ECPAS: variants seen among roughly 807,000 people sequenced by gnomAD.
The protein encoded by ECPAS is Ecm29 proteasome adaptor and scaffold.
In ECPAS, 70 loss-of-function variants were observed where a neutral mutation model predicts 255.1. That is an observed-to-expected ratio of 0.27 (90% confidence interval 0.23 to 0.33). ECPAS has a LOEUF of 0.33. Ranked by LOEUF, ECPAS falls within the 10% of genes least tolerant of loss-of-function variation. ECPAS has a pLI of 1.00. For synonymous variants in ECPAS, 784 were observed against 775.0 expected, an observed-to-expected ratio of 1.01 and a Z score of -0.19; for missense variants, 1,817 against 2,206.4, an observed-to-expected ratio of 0.82 and a Z score of 3.54.
intron 6 of ECPAS, 45 bp downstream of exon 6, chr9:111,440,327 A>G: frequency 6.5e-7 from 1 of 1,535,432 alleles, no homozygotes; most frequent in South Asian, 1.2e-5. Flanking sequence ...AACTCCCCGT[A>G]GTAAAAGCAG....
At chr9:111,470,361 A>AGT (rs1353366832) in intron 2 of ECPAS, among the ~76,000 whole-genome samples, 1 of 150,536 alleles carries the variant, frequency 6.6e-6, no homozygotes, top group Non-Finnish European at 1.5e-5. Flanking sequence ...CCCAGGCTGC[A>AGT]GTGCAGTGGC....
In ECPAS at chr9:111,467,250, G is replaced by A. The variant is rs529689474; in HGVS notation, c.22+5647C>T. ...AGAAAAAAGAAGAGATGAGAAAAGA[G>A]AAGAGAAGAGAGAAGAGAAGAGAAA... On this transcript the variant is annotated intron_variant, in intron 2 of 49. Transcript: ENST00000684092. Among the ~76,000 whole-genome samples the A allele has an allele frequency of 4.6e-5, 7 of 152,190 alleles. No homozygotes were observed. The South Asian group carries it at 1.4e-3, about 31-fold the overall frequency.
At chr9:111,432,261 T>C (rs888460316) in intron 8 of ECPAS, among the ~76,000 whole-genome samples, 1 of 152,232 alleles carries the variant, frequency 6.6e-6, no homozygotes, top group African/African-American at 2.4e-5. Flanking sequence ...TCATTACTTA[T>C]TGCAAACTGC....
chr9:111,442,249 T>C, intron 5 of ECPAS, 57 bp downstream of exon 5: 1 of 1,112,380 alleles, frequency 9.0e-7, no homozygotes. Flanking sequence ...AATTAATATT[T>C]GAAAGGCAGT....
chr9:111,371,554 G>T, intron 43 of ECPAS, 67 bp downstream of exon 43: 1 of 1,371,852 alleles, frequency 7.3e-7, no homozygotes, highest in Non-Finnish European at 1.0e-6. Flanking sequence ...AAACCAGATC[G>T]TTACTATTAT....
At chr9:111,427,423 A>G (rs2098223404) in intron 10 of ECPAS, among the ~76,000 whole-genome samples, 1 of 152,130 alleles carries the variant, frequency 6.6e-6, no homozygotes, top group South Asian at 2.1e-4. Context: ...ATTTTTGGAG[A>G]AAAGCCACAC....
rs2098311870 is a variant in ECPAS, at chr9:111,484,225, G to A, written c.-192C>T. On this transcript the variant is annotated 5_prime_UTR_variant, in exon 1 of 50. Transcript: ENST00000684092. ...GGGCCCCGGGGAGCCGCGCGCCGCA[G>A]TCCGTGAGGGGCTGGGCCGAGCGGG... 2 of 1,470,080 alleles carry A rather than the reference G, an allele frequency of 1.4e-6. No individual in the cohort carries two copies. The highest frequency in any genetic ancestry group is 1.8e-6 in the Non-Finnish European group (2 of 1,115,774). The allele number at this position is 1,470,080 out of a possible 1,614,324, so 91.1% of individuals were successfully genotyped here.
intron 2 of ECPAS, among the ~76,000 whole-genome samples, chr9:111,461,238 T>C (rs1471701845): frequency 1.3e-5 from 2 of 151,712 alleles, no homozygotes; most frequent in Non-Finnish European, 2.9e-5. Flanking sequence ...GGCAGGCTGA[T>C]TGCTTGAGCT....
chr9:111,483,551 C>CGGGGAGGGAACG (rs1443994902), intron 1 of ECPAS: 2 of 425,382 alleles, frequency 4.7e-6, no homozygotes, highest in African/African-American at 4.4e-5. Context: ...CATGTTGCGC[C>CGGGGAGGGAACG]GGGGAGGGAA....
At chr9:111,470,831 G>T (rs548965013) in intron 2 of ECPAS, among the ~76,000 whole-genome samples, 2 of 151,490 alleles carry the variant, frequency 1.3e-5, no homozygotes, top group East Asian at 3.9e-4. Flanking sequence ...GCAAGACTGG[G>T]CCAGGTGACA....
intron 49 of ECPAS, among the ~76,000 whole-genome samples, chr9:111,363,380 T>A (rs1332483874): frequency 1.3e-5 from 2 of 152,282 alleles, no homozygotes; most frequent in Admixed American, 6.5e-5. Flanking sequence ...CTTAATAATA[T>A]ATTAAAAATA....
At chr9:111,440,784 T>C (rs967567897) in intron 5 of ECPAS, among the ~76,000 whole-genome samples, 14 of 152,204 alleles carry the variant, frequency 9.2e-5, no homozygotes, top group Admixed American at 1.3e-4. Flanking sequence ...ATACATCAAA[T>C]GGGCTCAGTG....
In ECPAS at chr9:111,373,251, A is replaced by G. The variant is rs1487502437; in HGVS notation, c.4270-15T>C. 2 of 1,613,508 alleles carry G rather than the reference A, an allele frequency of 1.2e-6. No homozygotes were observed. Among genetic ancestry groups the G allele is most frequent in the Admixed American group, 1.7e-5 (1 of 60,018 alleles). On this transcript the variant is annotated splice_polypyrimidine_tract_variant and intron_variant, in intron 40 of 49. Coordinates refer to ENST00000684092, the MANE Select transcript of ECPAS (RefSeq NM_001364929.1). ...TCCCGTGAGGTCTGAAAAAGAAACA[A>G]TCCTAAGTATTTCTTTATAACTGTC...
chr9:111,483,417 CGCCCCAGCCCTCATGCGGCCGCCGG>C, intron 1 of ECPAS: 2 of 612,770 alleles, frequency 3.3e-6, no homozygotes, highest in Non-Finnish European at 4.1e-6. Context: ...CCGGGCCTGG[CGCCCCAGCCCTCATGCGGCCGCCGG>C]CCCCCGGCAC....
At chr9:111,372,668 G>A in intron 41 of ECPAS, 48 bp from the exon 42 acceptor site, 1 of 1,419,944 alleles carries the variant, frequency 7.0e-7, no homozygotes, top group Non-Finnish European at 9.6e-7. Context: ...GTTTTTAAGG[G>A]TAACTGATCT....
At chr9:111,368,975 C>A (rs562526924) in intron 46 of ECPAS, 60 bp downstream of exon 46, 3 of 1,399,902 alleles carry the variant, frequency 2.1e-6, no homozygotes, top group South Asian at 1.6e-5. Context: ...AGAGAAAATT[C>A]TTCGCTCTCA....
intron 37 of ECPAS, among the ~76,000 whole-genome samples, chr9:111,375,984 G>A (rs1311934541): frequency 6.6e-6 from 1 of 152,120 alleles, no homozygotes; most frequent in Non-Finnish European, 1.5e-5. Flanking sequence ...CAAGACTCCA[G>A]GAAGTTTAGA....
chr9:111,404,982 A>G (rs1482837321), intron 24 of ECPAS, among the ~76,000 whole-genome samples: 1 of 149,608 alleles, frequency 6.7e-6, no homozygotes, highest in Non-Finnish European at 1.5e-5. Flanking sequence ...TTTCCATACT[A>G]CCAAAAACGA....
intron 2 of ECPAS, among the ~76,000 whole-genome samples, chr9:111,465,445 C>T (rs1434990022): frequency 6.6e-6 from 1 of 151,884 alleles, no homozygotes; most frequent in African/African-American, 2.4e-5. Flanking sequence ...GAAGTTGAGG[C>T]AGGAGAATTG....
Sources: gnomAD v4.1 joint callset for allele counts (sites outside exome capture counted in the v4.1 genomes callset) on GRCh38, gnomAD v4.1.1 for gene constraint, MANE v1.5 for transcripts, NCBI Gene and HGNC (gene_info 2026-07-23, HGNC 2026-07-21) for gene names.